Variants in SLC1A1 observed in about 807,000 individuals in gnomAD.
SLC1A1 encodes the protein excitatory amino acid transporter 3.
In SLC1A1, 43 loss-of-function variants were observed where a neutral mutation model predicts 53.3. The ratio of observed to expected loss-of-function variants is 0.81; its 90% CI spans 0.63 to 1.04. The LOEUF (loss-of-function observed/expected upper bound fraction) is 1.04, where lower values mean the gene tolerates loss of function less well. SLC1A1 is among the 50% of genes least tolerant of loss of function. SLC1A1 has a pLI of 0.00. For missense variants in SLC1A1, 748 were observed against 664.9 expected, an observed-to-expected ratio of 1.12 and a Z score of -1.37; for synonymous variants, 307 against 243.2, an observed-to-expected ratio of 1.26 and a Z score of -2.44.
At chr9:4,573,470 T>C (rs1010572799) in intron 7 of SLC1A1, among the ~76,000 whole-genome samples, 3 of 152,284 alleles carry the variant, frequency 2.0e-5, no homozygotes, top group Middle Eastern at 6.8e-3. Flanking sequence ...GCTATTATGA[T>C]CACTTCCAGT....
intron 1 of SLC1A1, among the ~76,000 whole-genome samples, chr9:4,525,855 C>A (rs10758628): frequency 0.44 from 66,078 of 151,900 alleles, 14,645 homozygotes; most frequent in Admixed American, 0.48. Flanking sequence ...GAAACTGAAA[C>A]TCATATTTTT....
At chr9:4,579,036 C>T (rs1469371110) in intron 10 of SLC1A1, among the ~76,000 whole-genome samples, 1 of 152,176 alleles carries the variant, frequency 6.6e-6, no homozygotes, top group African/African-American at 2.4e-5. Flanking sequence ...TGTTCTAATA[C>T]AATGCATTTT....
intron 1 of SLC1A1, among the ~76,000 whole-genome samples, chr9:4,507,041 A>G (rs1337278926): frequency 6.6e-6 from 1 of 152,070 alleles, no homozygotes. Flanking sequence ...ACCATCCTGG[A>G]TAACATGGTG....
rs1284860098 is a variant in SLC1A1, at chr9:4,530,570, C to T, written c.92-13997C>T. On this transcript the variant is annotated intron_variant, in intron 1 of 11. Coordinates refer to ENST00000262352, the MANE Select transcript of SLC1A1 (RefSeq NM_004170.6). ...AATCAACTTTTCTTCTGAGTCAGAC[C>T]GAATTCTTAATTGTAGGTGATAGAC... Among the ~76,000 whole-genome samples the T allele has an allele frequency of 2.6e-5, 4 of 152,064 alleles. No individual in the cohort carries two copies. In the South Asian group the frequency reaches 6.2e-4, roughly 24 times the overall value.
chr9:4,563,044 A>T (rs1173538113), intron 3 of SLC1A1, among the ~76,000 whole-genome samples: 1 of 151,400 alleles, frequency 6.6e-6, no homozygotes. Flanking sequence ...GGTGCAGCGC[A>T]CCAGCATGGC....
At chr9:4,565,828 G>A (rs1356295125) in intron 4 of SLC1A1, among the ~76,000 whole-genome samples, 1 of 152,182 alleles carries the variant, frequency 6.6e-6, no homozygotes, top group Non-Finnish European at 1.5e-5. Context: ...GTTACTCAGT[G>A]AATCAATTAA....
At chr9:4,539,262 G>C (rs1445624241) in intron 1 of SLC1A1, among the ~76,000 whole-genome samples, 1 of 152,166 alleles carries the variant, frequency 6.6e-6, no homozygotes, top group Non-Finnish European at 1.5e-5. Context: ...AGGCTGGTTA[G>C]GACCTGGAAA....
intron 2 of SLC1A1, among the ~76,000 whole-genome samples, chr9:4,557,984 G>T (rs1227990426): frequency 1.3e-5 from 2 of 152,046 alleles, no homozygotes; most frequent in East Asian, 3.9e-4. Flanking sequence ...CGCCTCCTTG[G>T]GTTGTAATGA....
chr9:4,522,578 A>T (rs1268058565), intron 1 of SLC1A1, among the ~76,000 whole-genome samples: 1 of 152,158 alleles, frequency 6.6e-6, no homozygotes, highest in African/African-American at 2.4e-5. Context: ...ATAAAGAAAT[A>T]CCGGAGACTG....
rs182614409 is a variant in SLC1A1 at position 4,582,942 on chromosome 9, T to C, written c.1194-96T>C. Reference sequence around the variant, plus strand: ...ACCCAATTTAGGGACACAGCAGTAATAGCCATCGGGACTAAGCGGGAGTAA... The same window carrying C: ...ACCCAATTTAGGGACACAGCAGTAACAGCCATCGGGACTAAGCGGGAGTAA... On this transcript the variant is annotated intron_variant, in intron 10 of 11. Transcript: ENST00000262352. 4.3e-4 allele frequency: 642 copies of C among 1,479,256 alleles called. 7 individuals are homozygous for C. The African/African-American group carries it at 7.6e-3, about 17-fold the overall frequency. The allele number at this position is 1,479,256 out of a possible 1,614,324, so 91.6% of individuals were successfully genotyped here.
At chr9:4,516,113 A>G (rs1358744573) in intron 1 of SLC1A1, among the ~76,000 whole-genome samples, 1 of 152,212 alleles carries the variant, frequency 6.6e-6, no homozygotes, top group Non-Finnish European at 1.5e-5. Context: ...GAGTTGCCAT[A>G]AAGAAAGAGG....
intron 2 of SLC1A1, among the ~76,000 whole-genome samples, chr9:4,559,049 CTCTT>C (rs767101298): frequency 2.0e-5 from 3 of 152,106 alleles, no homozygotes; most frequent in Non-Finnish European, 4.4e-5. Flanking sequence ...TTATGATTTG[CTCTT>C]TCTTTAAGAG....
chr9:4,514,987 G>A (rs955364763), intron 1 of SLC1A1, among the ~76,000 whole-genome samples: 1 of 151,838 alleles, frequency 6.6e-6, no homozygotes, highest in Admixed American at 6.6e-5. Context: ...AAGCAGCCGG[G>A]GCTCCTGTAT....
chr9:4,528,355 G>A (rs920743448), intron 1 of SLC1A1, among the ~76,000 whole-genome samples: 1 of 152,126 alleles, frequency 6.6e-6, no homozygotes, highest in Admixed American at 6.5e-5. Context: ...GGCAGATCAC[G>A]GGGTCAGGAG....
At chr9:4,517,372 G>C (rs1427298617) in intron 1 of SLC1A1, among the ~76,000 whole-genome samples, 3 of 152,138 alleles carry the variant, frequency 2.0e-5, no homozygotes, top group East Asian at 3.9e-4. Context: ...GTCTTGTCCT[G>C]CCTACTAGAA....
chr9:4,565,722 A>G (rs915277645), intron 4 of SLC1A1, among the ~76,000 whole-genome samples: 10 of 152,170 alleles, frequency 6.6e-5, no homozygotes, highest in Admixed American at 6.5e-4. Flanking sequence ...GTAAGCATAC[A>G]ACCTCATTGA....
intron 3 of SLC1A1, among the ~76,000 whole-genome samples, chr9:4,563,463 A>G (rs1009212902): frequency 2.6e-5 from 4 of 152,186 alleles, no homozygotes; most frequent in African/African-American, 9.7e-5. Context: ...AGAGTGGGCC[A>G]TGCCCAGTCA....
intron 1 of SLC1A1, among the ~76,000 whole-genome samples, chr9:4,534,333 A>G (rs1417018110): frequency 6.6e-6 from 1 of 152,206 alleles, no homozygotes; most frequent in Non-Finnish European, 1.5e-5. Context: ...TAAAGAAGAA[A>G]AGAGAGAAGA....
intron 1 of SLC1A1, among the ~76,000 whole-genome samples, chr9:4,525,477 C>G (rs1423649581): frequency 6.6e-6 from 1 of 152,048 alleles, no homozygotes; most frequent in Non-Finnish European, 1.5e-5. Flanking sequence ...CCTCAAAAGA[C>G]AAGCCTATGA....
Sources: allele counts gnomAD v4.1 joint callset (sites outside exome capture counted in the v4.1 genomes callset), GRCh38; gene constraint gnomAD v4.1.1; transcripts MANE v1.5; gene names NCBI Gene and HGNC (gene_info 2026-07-23, HGNC 2026-07-21).